The following ANAPC16 variants were observed in gnomAD, a reference collection of about 807,000 sequenced individuals.
ANAPC16 encodes anaphase promoting complex subunit 16.
In ANAPC16, 6 loss-of-function variants were observed where a neutral mutation model predicts 13.1. That is an observed-to-expected ratio of 0.46 (90% confidence interval 0.25 to 0.90). The LOEUF is 0.90. Among genes scored for constraint, ANAPC16 ranks in the 40% least tolerant of loss-of-function variants. ANAPC16 has a pLI of 0.18. For missense variants in ANAPC16, 113 were observed against 131.1 expected (o/e 0.86, Z 0.67); for synonymous variants, 55 against 51.3 (o/e 1.07, Z -0.31).
rs968631895 is a variant in ANAPC16, at chr10:72,235,555, A to G, written c.*2439A>G. The G allele has an allele frequency of 1.4e-4, 22 of 152,256 alleles. No homozygotes were observed. The highest frequency in any genetic ancestry group is 1.2e-3 in the Admixed American group (18 of 15,286). The allele number at this position is 152,256 out of a possible 1,614,324, so 9.4% of individuals were successfully genotyped here. A position where few individuals can be genotyped will look rare whatever the true frequency, so the allele number is the denominator to read the frequency against. ...AATTCTTAACTAAAAGAAGTTCCAT[A>G]TTCGACAGCATTTTAGTTTTTTAAT... On this transcript the variant is annotated 3_prime_UTR_variant, in exon 4 of 4. Transcript: ENST00000299381.
chr10:72,219,026 G>T (rs1194743110), intron 1 of ANAPC16, among the ~76,000 whole-genome samples: 1 of 152,196 alleles, frequency 6.6e-6, no homozygotes, highest in Non-Finnish European at 1.5e-5. Flanking sequence ...GCTCTGCTCA[G>T]CACCTGACTT....
chr10:72,224,166 C>G (rs1860041872), intron 2 of ANAPC16, 110 bp downstream of exon 2: 1 of 1,176,250 alleles, frequency 8.5e-7, no homozygotes, highest in African/African-American at 1.6e-5. Flanking sequence ...TTCAGCTCCA[C>G]ATTTCATTTC....
intron 1 of ANAPC16, among the ~76,000 whole-genome samples, chr10:72,222,404 G>A (rs112366504): frequency 0.076 from 9,125 of 119,674 alleles, 940 homozygotes; most frequent in African/African-American, 0.29. Flanking sequence ...CCAACAGAGC[G>A]AGACTCCGTA....
At chr10:72,227,438 ACATTT>A (rs1389215113) in intron 2 of ANAPC16, among the ~76,000 whole-genome samples, 1 of 152,178 alleles carries the variant, frequency 6.6e-6, no homozygotes, top group Non-Finnish European at 1.5e-5. Context: ...TGTGTTTCTT[ACATTT>A]CAAGTTTTAC....
chr10:72,226,787 CG>C (rs950317449), intron 2 of ANAPC16, among the ~76,000 whole-genome samples: 2 of 151,950 alleles, frequency 1.3e-5, no homozygotes, highest in Non-Finnish European at 2.9e-5. Context: ...CAGGAAACCA[CG>C]GGGGGACTCT....
intron 1 of ANAPC16, among the ~76,000 whole-genome samples, chr10:72,219,196 G>T (rs1859800050): frequency 6.6e-6 from 1 of 152,206 alleles, no homozygotes. Flanking sequence ...CTCTCCAAAA[G>T]ATGGCTAAGT....
chr10:72,222,476 A>G (rs1414171123), intron 1 of ANAPC16, among the ~76,000 whole-genome samples: 1 of 129,348 alleles, frequency 7.7e-6, no homozygotes, highest in East Asian at 2.6e-4. Flanking sequence ...CTATTTAAAA[A>G]AAAAAAAAAA....
At chr10:72,216,485 C>T (rs1859368699) in intron 1 of ANAPC16, among the ~76,000 whole-genome samples, 1 of 112,652 alleles carries the variant, frequency 8.9e-6, no homozygotes, top group Non-Finnish European at 1.8e-5. Context: ...TTCCCGCCCC[C>T]CCCCCCCCCC....
chr10:72,221,969 C>T (rs1470070620), intron 1 of ANAPC16, among the ~76,000 whole-genome samples: 4 of 150,010 alleles, frequency 2.7e-5, no homozygotes, highest in Non-Finnish European at 5.9e-5. Context: ...ACCTCGTGAT[C>T]CACCCGCCTC....
chr10:72,232,867 G>C, intron 3 of ANAPC16, 134 bp from the exon 4 acceptor site: 1 of 692,578 alleles, frequency 1.4e-6, no homozygotes, highest in South Asian at 1.7e-5. Flanking sequence ...GCCTCCCAAA[G>C]TGCTGGGATT....
At position 72,227,047 on chromosome 10, in the gene ANAPC16, A is replaced by G. The variant is rs147719165; in HGVS notation, c.142+2991A>G. 7.7e-4 allele frequency among the ~76,000 whole-genome samples: 117 copies of G among 152,348 alleles called. 1 individual carries two copies. The highest frequency in any genetic ancestry group is 2.7e-3 in the African/African-American group (111 of 41,582). On this transcript the variant is annotated intron_variant, in intron 2 of 3. Coordinates refer to ENST00000299381, the MANE Select transcript of ANAPC16 (RefSeq NM_173473.4). ...CATTTATATGCAGCAAAGACCTAGT[A>G]TTAAGGAAGTTTCCCACAAAACAAA...
At chr10:72,217,150 C>T in intron 1 of ANAPC16, 1 of 431,396 alleles carries the variant, frequency 2.3e-6, no homozygotes, top group South Asian at 1.6e-5. Flanking sequence ...TCGAAGGTGG[C>T]AGGGTGTTTC....
chr10:72,217,701 G>A (rs1705957228), intron 1 of ANAPC16, among the ~76,000 whole-genome samples: 1 of 152,036 alleles, frequency 6.6e-6, no homozygotes, highest in Admixed American at 6.6e-5. Context: ...GATTTATGAA[G>A]TGTTTACTAA....
intron 2 of ANAPC16, among the ~76,000 whole-genome samples, chr10:72,229,428 CCTGG>C (rs1860229156): frequency 6.6e-6 from 1 of 151,380 alleles, no homozygotes; most frequent in Admixed American, 6.6e-5. Flanking sequence ...CCATGTAATA[CCTGG>C]CCAACACAAC....
chr10:72,234,600 A>G lies in ANAPC16; in HGVS notation c.*1484A>G, dbSNP rs1217757693. The stretch of plus-strand genomic sequence containing the variant: ...ACAACATTTGTCTGGTTCCTTATTA[A>G]TAACTTGCATCTGATCTGCTTAGAG... On this transcript the variant is annotated 3_prime_UTR_variant, in exon 4 of 4. Coordinates refer to ENST00000299381, the MANE Select transcript of ANAPC16 (RefSeq NM_173473.4). 6.6e-6 allele frequency: 1 copy of G among 152,186 alleles called. No individual in the cohort carries two copies. Among genetic ancestry groups the G allele is most frequent in the African/African-American group, 2.4e-5 (1 of 41,446 alleles). The allele number at this position is 152,186 out of a possible 1,614,324, so 9.4% of individuals were successfully genotyped here. A position where few individuals can be genotyped will look rare whatever the true frequency, so the allele number is the denominator to read the frequency against.
intron 1 of ANAPC16, among the ~76,000 whole-genome samples, chr10:72,221,547 C>CTTTTTTTTTT (rs910872494): frequency 2.2e-5 from 2 of 91,350 alleles, no homozygotes; most frequent in African/African-American, 4.9e-5. Flanking sequence ...TTTTTCTTTT[C>CTTTTTTTTTT]TTTTTTTTTT....
At chr10:72,231,186 C>T (rs995601776) in intron 3 of ANAPC16, among the ~76,000 whole-genome samples, 1 of 152,180 alleles carries the variant, frequency 6.6e-6, no homozygotes, top group Non-Finnish European at 1.5e-5. Context: ...GCCTCTAACC[C>T]TAGGATTTTA....
At position 72,235,570 on chromosome 10, in the gene ANAPC16, A is replaced by C. The variant is rs1308161754; in HGVS notation, c.*2454A>C. 1 of 152,268 alleles carries C rather than the reference A, an allele frequency of 6.6e-6. No individual in the cohort carries two copies. Among genetic ancestry groups the C allele is most frequent in the Non-Finnish European group, 1.5e-5 (1 of 68,046 alleles). 9.4% of individuals were successfully genotyped at this position (152,268 alleles called of 1,614,324 possible). A position where few individuals can be genotyped will look rare whatever the true frequency, so the allele number is the denominator to read the frequency against. ...GAAGTTCCATATTCGACAGCATTTT[A>C]GTTTTTTAATAGTACTTATTAGCAT... is the stretch of plus-strand genomic sequence containing the variant. On this transcript the variant is annotated 3_prime_UTR_variant, in exon 4 of 4. Transcript: ENST00000299381.
intron 1 of ANAPC16, among the ~76,000 whole-genome samples, chr10:72,222,621 A>G (rs964120516): frequency 6.6e-6 from 1 of 151,930 alleles, no homozygotes; most frequent in South Asian, 2.1e-4. Flanking sequence ...TACTAAAAAT[A>G]CAAAAATTAG....
Sources: gnomAD v4.1 joint callset for allele counts (sites outside exome capture counted in the v4.1 genomes callset) on GRCh38, gnomAD v4.1.1 for gene constraint, MANE v1.5 for transcripts, NCBI Gene and HGNC (gene_info 2026-07-23, HGNC 2026-07-21) for gene names.